Variants in FAM193A observed in about 807,000 individuals in gnomAD.
FAM193A encodes protein FAM193A.
Under a neutral mutation model 126.5 loss-of-function variants are expected in FAM193A, and 22 were observed. The observed-to-expected ratio is 0.17, with a 90% CI of 0.12 to 0.25. FAM193A has a LOEUF of 0.25. Ranked by LOEUF, FAM193A falls within the 10% of genes least tolerant of loss-of-function variation. FAM193A has a pLI of 1.00. For missense variants in FAM193A, 1,675 were observed against 1,672.8 expected (o/e 1.00, Z -0.02); for synonymous variants, 761 against 646.8 (o/e 1.18, Z -2.68).
At chr4:2,537,819 C>T (rs1400223858) in intron 1 of FAM193A, among the ~76,000 whole-genome samples, 3 of 152,132 alleles carry the variant, frequency 2.0e-5, no homozygotes, top group Non-Finnish European at 2.9e-5. Context: ...GTTAAGTTTT[C>T]AGGGGTATTT....
chr4:2,695,176 C>T, intron 17 of FAM193A, 47 bp downstream of exon 17: 1 of 1,475,940 alleles, frequency 6.8e-7, no homozygotes, highest in Non-Finnish European at 9.0e-7. Context: ...GTGTGCAACA[C>T]ACGGGCTCCT....
chr4:2,617,418 A>G (rs1742276166), intron 2 of FAM193A, among the ~76,000 whole-genome samples: 1 of 148,588 alleles, frequency 6.7e-6, no homozygotes, highest in African/African-American at 2.5e-5. Context: ...GGTGCCCACC[A>G]CCGCACCTGG....
In FAM193A at chr4:2,587,614, A is replaced by G. The variant is rs189832977; in HGVS notation, c.256-8470A>G. Reference sequence around the variant, plus strand: ...GACTGAGGCAGGAGGATCACTTGATAGCCCGGGTGGTGGAGGTTGCAGCGA... The same window carrying G: ...GACTGAGGCAGGAGGATCACTTGATGGCCCGGGTGGTGGAGGTTGCAGCGA... On this transcript the variant is annotated intron_variant, in intron 1 of 20. Coordinates refer to ENST00000637812, the MANE Select transcript of FAM193A (RefSeq NM_001366318.2). Among the ~76,000 whole-genome samples the G allele has an allele frequency of 2.6e-5, 4 of 152,316 alleles. No individual in the cohort carries two copies. In the East Asian group the frequency reaches 7.7e-4, roughly 29 times the overall value.
At chr4:2,659,465 A>G in intron 8 of FAM193A, 93 bp from the exon 9 acceptor site, 2 of 870,672 alleles carry the variant, frequency 2.3e-6, no homozygotes, top group East Asian at 2.6e-5. Flanking sequence ...GTGCCCGTGA[A>G]CATGATACAT....
At chr4:2,683,761 T>G (rs143956420) in intron 13 of FAM193A, among the ~76,000 whole-genome samples, 107 of 152,348 alleles carry the variant, frequency 7.0e-4, no homozygotes, top group African/African-American at 2.5e-3. Context: ...TTCTCTAGTC[T>G]CTCCTTCCAG....
chr4:2,621,237 C>T (rs1448374062), intron 2 of FAM193A, among the ~76,000 whole-genome samples: 1 of 152,206 alleles, frequency 6.6e-6, no homozygotes, highest in African/African-American at 2.4e-5. Context: ...TTGTACCTAC[C>T]TGCTGGCAGA....
chr4:2,544,276 A>C (rs888478116), intron 1 of FAM193A, among the ~76,000 whole-genome samples: 1 of 152,206 alleles, frequency 6.6e-6, no homozygotes, highest in Non-Finnish European at 1.5e-5. Flanking sequence ...GATAAAGAAT[A>C]TAGGTTGGCA....
At chr4:2,685,235 G>C (rs982209790) in intron 13 of FAM193A, among the ~76,000 whole-genome samples, 1 of 152,166 alleles carries the variant, frequency 6.6e-6, no homozygotes, top group African/African-American at 2.4e-5. Flanking sequence ...GGAGGACCGG[G>C]TGCCAAGTAG....
chr4:2,717,460 G>T (rs1719667592), intron 20 of FAM193A, among the ~76,000 whole-genome samples: 2 of 151,968 alleles, frequency 1.3e-5, no homozygotes, highest in Non-Finnish European at 2.9e-5. Context: ...CCTGGACGTG[G>T]TGACAAGAGC....
chr4:2,571,487 G>C (rs1185285570), intron 1 of FAM193A, among the ~76,000 whole-genome samples: 1 of 152,062 alleles, frequency 6.6e-6, no homozygotes, highest in Non-Finnish European at 1.5e-5. Context: ...TTTATTTAAA[G>C]ATGTCTTTGT....
intron 1 of FAM193A, among the ~76,000 whole-genome samples, chr4:2,584,900 G>T (rs1038187544): frequency 6.6e-6 from 1 of 151,904 alleles, no homozygotes; most frequent in African/African-American, 2.4e-5. Flanking sequence ...ACTCCAGCCT[G>T]GCGACAGAGC....
chr4:2,556,731 A>G (rs1279542654), intron 1 of FAM193A, among the ~76,000 whole-genome samples: 1 of 152,180 alleles, frequency 6.6e-6, no homozygotes, highest in Non-Finnish European at 1.5e-5. Context: ...AATTCCAATA[A>G]TGTTTGTGGG....
chr4:2,606,195 C>T (rs897967835), intron 2 of FAM193A, among the ~76,000 whole-genome samples: 76 of 151,134 alleles, frequency 5.0e-4, no homozygotes, highest in Admixed American at 4.5e-3. Flanking sequence ...GGATTACAGG[C>T]GTTTGCCACT....
At chr4:2,596,369 C>T (rs752974295) in intron 2 of FAM193A, 40 bp downstream of exon 2, 4 of 687,970 alleles carry the variant, frequency 5.8e-6, no homozygotes, top group African/African-American at 1.8e-5. Flanking sequence ...GGCGTTGGCT[C>T]CCCCCGCCCA....
At chr4:2,640,786 A>C (rs1040336968) in intron 6 of FAM193A, among the ~76,000 whole-genome samples, 1 of 151,952 alleles carries the variant, frequency 6.6e-6, no homozygotes, top group African/African-American at 2.4e-5. Context: ...CCAACATGGT[A>C]AAACCCCGTC....
In FAM193A at chr4:2,639,692, A is replaced by G. The variant is rs200082218; in HGVS notation, c.1039-43A>G. ...TCTGGGAATTTTCTAGTCTTTAGCA[A>G]TTCACTACATCTTCTGTTTATCTTT... is the stretch of plus-strand genomic sequence containing the variant. On this transcript the variant is annotated intron_variant, in intron 5 of 20. Transcript: ENST00000637812. 3.6e-3 allele frequency: 5,603 copies of G among 1,569,980 alleles called. 33 individuals carry two copies. Among genetic ancestry groups the G allele is most frequent in the Non-Finnish European group, 3.5e-3 (4,081 of 1,150,158 alleles).
At chr4:2,577,409 T>C (rs1271446607) in intron 1 of FAM193A, among the ~76,000 whole-genome samples, 1 of 141,404 alleles carries the variant, frequency 7.1e-6, no homozygotes. Flanking sequence ...TCAATTAAAG[T>C]GGTTTTTTTT....
intron 12 of FAM193A, among the ~76,000 whole-genome samples, chr4:2,671,882 T>C (rs1713838562): frequency 6.6e-6 from 1 of 152,212 alleles, no homozygotes; most frequent in Admixed American, 6.5e-5. Flanking sequence ...AACCAGTGGC[T>C]CTACCTGAGT....
chr4:2,650,645 A>G (rs1358477235), intron 7 of FAM193A, among the ~76,000 whole-genome samples: 1 of 152,062 alleles, frequency 6.6e-6, no homozygotes, highest in Admixed American at 6.5e-5. Flanking sequence ...AGGCTCCTTA[A>G]TCCAAGAGTG....
Sources: gnomAD v4.1 joint callset for allele counts (sites outside exome capture counted in the v4.1 genomes callset) on GRCh38, gnomAD v4.1.1 for gene constraint, MANE v1.5 for transcripts, NCBI Gene and HGNC (gene_info 2026-07-23, HGNC 2026-07-21) for gene names.